LHCGR: variants seen among roughly 807,000 people sequenced by gnomAD.
LHCGR encodes the protein lutropin-choriogonadotropic hormone receptor.
Under a neutral mutation model 60.7 loss-of-function variants are expected in LHCGR, and 55 were observed. The ratio of observed to expected loss-of-function variants is 0.91; its 90% CI spans 0.73 to 1.13. The LOEUF (loss-of-function observed/expected upper bound fraction) is 1.13. Among genes scored for constraint, LHCGR ranks in the 50% most tolerant of loss-of-function variants. The pLI is 0.00. For synonymous variants in LHCGR, 337 were observed against 316.5 expected, an observed-to-expected ratio of 1.06 and a Z score of -0.69; for missense variants, 862 against 836.0, an observed-to-expected ratio of 1.03 and a Z score of -0.38.
intron 6 of LHCGR, 141 bp from the exon 7 acceptor site, chr2:48,714,195 A>C: frequency 2.9e-6 from 2 of 695,612 alleles, no homozygotes; most frequent in Non-Finnish European, 5.2e-6. Context: ...CACCACCACC[A>C]TCAATTTATT....
At chr2:48,726,338 G>A (rs1254701357) in intron 3 of LHCGR, among the ~76,000 whole-genome samples, 1 of 152,180 alleles carries the variant, frequency 6.6e-6, no homozygotes, top group Non-Finnish European at 1.5e-5. Context: ...CTGAGCTAGT[G>A]TCTCTTCTGT....
At chr2:48,708,924 G>C (rs770285755) in intron 8 of LHCGR, 24 bp downstream of exon 8, 1 of 1,597,460 alleles carries the variant, frequency 6.3e-7, no homozygotes, top group Non-Finnish European at 8.6e-7. Flanking sequence ...GGGCAGGGAG[G>C]GGAGGCAGCA....
intron 1 of LHCGR, among the ~76,000 whole-genome samples, chr2:48,750,888 G>T (rs769356749): frequency 8.5e-5 from 13 of 152,318 alleles, no homozygotes; most frequent in Middle Eastern, 3.4e-3. Context: ...CAGCGCTCCT[G>T]GCCAGGGATG....
chr2:48,696,119 C>T (rs1006859466), intron 9 of LHCGR, among the ~76,000 whole-genome samples: 1 of 151,930 alleles, frequency 6.6e-6, no homozygotes, highest in African/African-American at 2.4e-5. Context: ...TTCTTCTCTC[C>T]TCATATTCAG....
intron 3 of LHCGR, among the ~76,000 whole-genome samples, chr2:48,726,193 C>T (rs1461101700): frequency 2.0e-5 from 3 of 152,140 alleles, no homozygotes; most frequent in African/African-American, 7.2e-5. Flanking sequence ...GGCCGGCAAT[C>T]ACATGAGCAG....
chr2:48,733,950 G>A (rs146448263), intron 1 of LHCGR, among the ~76,000 whole-genome samples: 128 of 152,288 alleles, frequency 8.4e-4, no homozygotes, highest in African/African-American at 3.0e-3. Context: ...TTCTTTCCAT[G>A]ATGCCAGAAA....
chr2:48,713,752 A>G (rs1421577893), intron 7 of LHCGR, among the ~76,000 whole-genome samples: 1 of 152,168 alleles, frequency 6.6e-6, no homozygotes, highest in Non-Finnish European at 1.5e-5. Flanking sequence ...AGGGTGTTGA[A>G]TATTGCAGTA....
At chr2:48,708,865 T>A in intron 8 of LHCGR, 83 bp downstream of exon 8, 1 of 1,033,220 alleles carries the variant, frequency 9.7e-7, no homozygotes, top group Non-Finnish European at 1.5e-6. Context: ...ACATATCAGC[T>A]TGGGGATGAT....
intron 1 of LHCGR, among the ~76,000 whole-genome samples, chr2:48,753,980 A>G (rs1201585167): frequency 6.6e-6 from 1 of 152,166 alleles, no homozygotes; most frequent in Non-Finnish European, 1.5e-5. Context: ...AATCTGTATG[A>G]TAAGTAGCAG....
At chr2:48,741,183 G>A (rs1247115077) in intron 1 of LHCGR, among the ~76,000 whole-genome samples, 1 of 152,104 alleles carries the variant, frequency 6.6e-6, no homozygotes, top group Non-Finnish European at 1.5e-5. Flanking sequence ...AAGAAATATG[G>A]GACTATGTGA....
rs201532079 is a variant in LHCGR at position 48,723,669 on chromosome 2, C to G, written c.411G>C (p.Lys137Asn). The G allele has an allele frequency of 3.3e-5, 53 of 1,613,812 alleles. No individual in the cohort carries two copies. The African/African-American group carries it at 6.5e-4, about 20-fold the overall frequency. ...AGAAGACCTTCGTAACATCTGGAAA[C>G]TTTCTGATGCCTGTGTTACAGATGC... is the stretch of plus-strand genomic sequence containing the variant. ...YLSICNTGIR[K>N]FPDVTKVFSS... The change falls in exon 5 of 11, where the codon AAG becomes AAC. Residue 137 changes from lysine (K) to asparagine (N), a missense_variant. Lys to Asn is a moderately conservative substitution (Grantham distance 94). Coordinates refer to ENST00000294954, the MANE Select transcript of LHCGR (RefSeq NM_000233.4).
chr2:48,747,931 C>G (rs1311404818), intron 1 of LHCGR, among the ~76,000 whole-genome samples: 3 of 152,138 alleles, frequency 2.0e-5, no homozygotes, highest in African/African-American at 7.2e-5. Context: ...GGACCGAAGG[C>G]TTTGAATAGC....
chr2:48,728,811 T>A (rs1248200352), intron 3 of LHCGR, among the ~76,000 whole-genome samples: 1 of 152,188 alleles, frequency 6.6e-6, no homozygotes, highest in Non-Finnish European at 1.5e-5. Context: ...AACCAATTTA[T>A]GATCTCTAAG....
chr2:48,723,497 T>G lies in LHCGR; in HGVS notation c.495A>C (p.Pro165=). The change falls in exon 6 of 11, where the codon CCA becomes CCC. Residue 165 remains proline (P), a synonymous_variant. Coordinates refer to ENST00000294954, the MANE Select transcript of LHCGR (RefSeq NM_000233.4). The part of the protein sequence containing the change: ...ICDNLHITTI[P]GNAFQGMNNE... ...TATTCATCCCTTGAAAAGCATTTCC[T>G]GGTATGGTGGTTATGTGTAAGTTAT... is the stretch of plus-strand genomic sequence containing the variant. 1 of 1,612,718 alleles carries G rather than the reference T, an allele frequency of 6.2e-7. No homozygotes were observed. The highest frequency in any genetic ancestry group is 8.5e-7 in the Non-Finnish European group (1 of 1,178,736).
rs13006488 is a variant in LHCGR, at chr2:48,687,816, A to T, written c.1981T>A (p.Ser661Thr). 3.7e-6 allele frequency: 6 copies of T among 1,614,116 alleles called. No individual in the cohort carries two copies. Among genetic ancestry groups the T allele is most frequent in the Non-Finnish European group, 4.2e-6 (5 of 1,180,008 alleles). ...CCAGTGAAGCCATTTTTGCAGTTGG[A>T]GGTGTAAGCTGAAAAATCTTTCCTT... is the stretch of plus-strand genomic sequence containing the variant. ...YRRKDFSAYT[S>T]NCKNGFTGSN... is the part of the protein sequence containing the mutation. Residue 661 changes from serine to threonine, a missense_variant, in exon 11 of 11, where the codon TCC becomes ACC. Transcript: ENST00000294954.
intron 1 of LHCGR, among the ~76,000 whole-genome samples, chr2:48,751,659 G>A (rs1282005006): frequency 6.6e-6 from 1 of 152,180 alleles, no homozygotes; most frequent in African/African-American, 2.4e-5. Context: ...GCAAGTGAGA[G>A]GAAGAGGAAG....
At chr2:48,721,549 T>C (rs773288883) in intron 6 of LHCGR, 4 of 349,766 alleles carry the variant, frequency 1.1e-5, no homozygotes, top group Non-Finnish European at 2.3e-5. Flanking sequence ...CTTTGTAACA[T>C]GACAATTATA....
At chr2:48,747,732 C>G (rs757294846) in intron 1 of LHCGR, among the ~76,000 whole-genome samples, 1 of 152,048 alleles carries the variant, frequency 6.6e-6, no homozygotes, top group Admixed American at 6.5e-5. Flanking sequence ...TACATCTTCA[C>G]AGCATACTTC....
At chr2:48,705,492 T>G (rs544096625) in intron 8 of LHCGR, among the ~76,000 whole-genome samples, 102 of 152,328 alleles carry the variant, frequency 6.7e-4, no homozygotes, top group Admixed American at 1.6e-3. Context: ...CAGTTGGATG[T>G]TAAAGTCTCC....
Sources: allele counts gnomAD v4.1 joint callset (sites outside exome capture counted in the v4.1 genomes callset), GRCh38; gene constraint gnomAD v4.1.1; transcripts MANE v1.5; gene names NCBI Gene and HGNC (gene_info 2026-07-23, HGNC 2026-07-21).